Variants in CWC27 observed in about 807,000 individuals in gnomAD.
The protein encoded by CWC27 is spliceosome-associated protein CWC27 homolog.
CWC27 carries 47 observed loss-of-function variants against 63.6 expected under a neutral mutation model. That is an observed-to-expected ratio of 0.74 (90% CI 0.58 to 0.94). The LOEUF is 0.94. CWC27 is among the 40% of genes least tolerant of loss of function. The pLI is 0.00. For synonymous variants in CWC27, 175 were observed against 179.8 expected (o/e 0.97, Z 0.22); for missense variants, 495 against 554.3 (o/e 0.89, Z 1.07).
chr5:64,827,308 C>T (rs1452047945), intron 10 of CWC27, among the ~76,000 whole-genome samples: 1 of 152,124 alleles, frequency 6.6e-6, no homozygotes, highest in Admixed American at 6.6e-5. Flanking sequence ...AGTATCTTAC[C>T]TAGCCTCAGA....
chr5:64,905,078 G>A (rs1451287435), intron 11 of CWC27, among the ~76,000 whole-genome samples: 1 of 151,812 alleles, frequency 6.6e-6, no homozygotes, highest in Non-Finnish European at 1.5e-5. Flanking sequence ...GTGCATGCCT[G>A]TAGTCCCAGC....
intron 11 of CWC27, among the ~76,000 whole-genome samples, chr5:64,905,583 T>C (rs1162554391): frequency 6.6e-6 from 1 of 152,176 alleles, no homozygotes; most frequent in Non-Finnish European, 1.5e-5. Context: ...TGAATAAATA[T>C]ACAAATTTTT....
chr5:64,938,892 CG>C (rs1471812211), intron 11 of CWC27, among the ~76,000 whole-genome samples: 1 of 152,096 alleles, frequency 6.6e-6, no homozygotes, highest in Non-Finnish European at 1.5e-5. Flanking sequence ...TACGCTTGAT[CG>C]GTTCTGCTAT....
intron 11 of CWC27, among the ~76,000 whole-genome samples, chr5:64,939,658 G>A (rs558356771): frequency 5.1e-4 from 77 of 152,336 alleles, no homozygotes; most frequent in African/African-American, 1.6e-3. Context: ...CTGGGAGATC[G>A]CTGCTCTCTT....
At chr5:64,828,972 A>G (rs978943687) in intron 10 of CWC27, among the ~76,000 whole-genome samples, 7 of 152,164 alleles carry the variant, frequency 4.6e-5, no homozygotes, top group African/African-American at 1.7e-4. Flanking sequence ...GTATATGGTA[A>G]ATATTCAACC....
rs138730482 is a variant in CWC27 at position 64,867,628 on chromosome 5, T to C, written c.939-17815T>C. Among the ~76,000 whole-genome samples the C allele has an allele frequency of 2.1e-3, 323 of 152,154 alleles. 2 individuals are homozygous for C. Among genetic ancestry groups the C allele is most frequent in the African/African-American group, 7.1e-3 (295 of 41,556 alleles). On this transcript the variant is annotated intron_variant, in intron 10 of 13. Coordinates refer to ENST00000381070, the MANE Select transcript of CWC27 (RefSeq NM_005869.4). The stretch of plus-strand genomic sequence containing the variant: ...ATTAGGACAAGCCTCCTGTGAGTTA[T>C]AAGGAATTGCCTTGCAAATTGATGG...
At chr5:64,907,480 A>G (rs1747674805) in intron 11 of CWC27, among the ~76,000 whole-genome samples, 1 of 152,160 alleles carries the variant, frequency 6.6e-6, no homozygotes, top group African/African-American at 2.4e-5. Context: ...TTATTGGCAT[A>G]TAGGAATGCT....
chr5:65,010,531 A>G (rs1749931177), intron 13 of CWC27, among the ~76,000 whole-genome samples: 1 of 152,254 alleles, frequency 6.6e-6, no homozygotes, highest in African/African-American at 2.4e-5. Context: ...TTAGAATTCT[A>G]ACTTAACAGA....
chr5:64,869,932 G>A (rs1746625407), intron 10 of CWC27, among the ~76,000 whole-genome samples: 2 of 151,882 alleles, frequency 1.3e-5, no homozygotes, highest in Admixed American at 6.6e-5. Flanking sequence ...TCTCCTTACT[G>A]ATTCCTTGCC....
intron 11 of CWC27, among the ~76,000 whole-genome samples, chr5:64,890,839 A>G (rs971673511): frequency 2.0e-5 from 3 of 152,216 alleles, no homozygotes; most frequent in African/African-American, 7.2e-5. Flanking sequence ...TATCTCAATA[A>G]TTTAATAAAT....
Position 64,824,810 on chromosome 5 carries a change from G to T in CWC27, c.938+20424G>T, listed in dbSNP as rs915354176. Among the ~76,000 whole-genome samples the T allele has an allele frequency of 2.9e-5, 4 of 137,146 alleles. No individual in the cohort carries two copies. In the Admixed American group the frequency reaches 3.2e-4, roughly 11 times the overall value. 90.0% of individuals were successfully genotyped at this position (137,146 alleles called of 152,430 possible). A position where few individuals can be genotyped will look rare whatever the true frequency, so the allele number is the denominator to read the frequency against. ...TGCAGTGGTGCGACCTCGGCTCACT[G>T]CAACCTCCGCCTCCCAGGTTCAAGA... On this transcript the variant is annotated intron_variant, in intron 10 of 13. Coordinates refer to ENST00000381070, the MANE Select transcript of CWC27 (RefSeq NM_005869.4).
chr5:64,894,390 G>A (rs1425044863), intron 11 of CWC27, among the ~76,000 whole-genome samples: 1 of 152,138 alleles, frequency 6.6e-6, no homozygotes, highest in East Asian at 1.9e-4. Flanking sequence ...AGTGGATGTA[G>A]TCTATATAAA....
intron 6 of CWC27, among the ~76,000 whole-genome samples, chr5:64,787,007 C>T (rs1743911685): frequency 6.6e-6 from 1 of 152,140 alleles, no homozygotes; most frequent in Non-Finnish European, 1.5e-5. Context: ...CACAAGGCAG[C>T]AGGGGAGAGA....
intron 11 of CWC27, among the ~76,000 whole-genome samples, chr5:64,892,401 A>G (rs781352346): frequency 1.3e-5 from 2 of 152,196 alleles, no homozygotes; most frequent in Non-Finnish European, 2.9e-5. Flanking sequence ...TATAAAAGTA[A>G]CATTTATTCT....
At chr5:64,880,518 C>T (rs1561444911) in intron 10 of CWC27, among the ~76,000 whole-genome samples, 1 of 151,892 alleles carries the variant, frequency 6.6e-6, no homozygotes, top group Non-Finnish European at 1.5e-5. Context: ...CTTCCTTAAT[C>T]ATTTTGATTT....
At chr5:64,781,796 T>C (rs529753078) in intron 2 of CWC27, 125 bp from the exon 3 acceptor site, 8 of 473,356 alleles carry the variant, frequency 1.7e-5, no homozygotes, top group Non-Finnish European at 7.6e-6. Context: ...ATACAAAAGG[T>C]TTTGGCTGGG....
intron 10 of CWC27, among the ~76,000 whole-genome samples, chr5:64,884,942 A>G (rs1747031344): frequency 6.6e-6 from 1 of 152,166 alleles, no homozygotes; most frequent in South Asian, 2.1e-4. Flanking sequence ...AATGAGTTAA[A>G]AACTTGGGTT....
chr5:64,992,396 A>G lies in CWC27; in HGVS notation c.1256+15158A>G, dbSNP rs146884848. On this transcript the variant is annotated intron_variant, in intron 13 of 13. Coordinates refer to ENST00000381070, the MANE Select transcript of CWC27 (RefSeq NM_005869.4). The stretch of plus-strand genomic sequence containing the variant: ...TTCTACCAGCAGTGATTCTAACCCG[A>G]AGTACTAATCACTAGGACAAGGAAG... Among the ~76,000 whole-genome samples the G allele has an allele frequency of 1.4e-3, 214 of 152,348 alleles. 1 individual carries two copies. Among genetic ancestry groups the G allele is most frequent in the African/African-American group, 4.9e-3 (202 of 41,578 alleles).
chr5:64,856,686 T>C (rs1327158453), intron 10 of CWC27, among the ~76,000 whole-genome samples: 1 of 152,088 alleles, frequency 6.6e-6, no homozygotes, highest in Non-Finnish European at 1.5e-5. Context: ...GAAAAGATTA[T>C]ATTAAGTAGG....
Sources: gnomAD v4.1 joint callset for allele counts (sites outside exome capture counted in the v4.1 genomes callset) on GRCh38, gnomAD v4.1.1 for gene constraint, MANE v1.5 for transcripts, NCBI Gene and HGNC (gene_info 2026-07-23, HGNC 2026-07-21) for gene names.